The following PKNOX2 variants were observed in gnomAD, a reference collection of about 807,000 sequenced individuals.
The protein encoded by PKNOX2 is homeobox protein PKNOX2.
A neutral mutation model predicts 53.1 loss-of-function variants in PKNOX2; 14 were observed. The observed-to-expected ratio is 0.26, with a 90% CI of 0.17 to 0.41. The LOEUF (loss-of-function observed/expected upper bound fraction) is 0.41, where lower values mean the gene tolerates loss of function less well. Among genes scored for constraint, PKNOX2 ranks in the 10% least tolerant of loss-of-function variants. The pLI, the probability that PKNOX2 is intolerant of heterozygous loss-of-function variation, is 1.00. For synonymous variants in PKNOX2, 257 were observed against 242.8 expected, an observed-to-expected ratio of 1.06 and a Z score of -0.54; for missense variants, 496 against 602.8, an observed-to-expected ratio of 0.82 and a Z score of 1.85.
At chr11:125,186,078 A>G (rs1956432218) in intron 1 of PKNOX2, among the ~76,000 whole-genome samples, 1 of 151,064 alleles carries the variant, frequency 6.6e-6, no homozygotes. Context: ...CCATTATAGT[A>G]TCTCATTGTG....
At chr11:125,178,753 A>C (rs930244723) in intron 1 of PKNOX2, among the ~76,000 whole-genome samples, 2 of 150,226 alleles carry the variant, frequency 1.3e-5, no homozygotes, top group African/African-American at 5.0e-5. Context: ...AGAAAGAGAG[A>C]GGAAGAAACT....
chr11:125,350,884 C>T (rs1197638729), intron 3 of PKNOX2, among the ~76,000 whole-genome samples: 1 of 152,078 alleles, frequency 6.6e-6, no homozygotes, highest in Non-Finnish European at 1.5e-5. Flanking sequence ...CCAGGAGCAC[C>T]CTTATCAGGC....
At chr11:125,239,471 T>C (rs1942986496) in intron 2 of PKNOX2, 1 of 152,176 alleles carries the variant, frequency 6.6e-6, no homozygotes, top group African/African-American at 2.4e-5. Context: ...TTCAGTTGGC[T>C]GGAGGGGACT....
chr11:125,260,753 C>T (rs902618347), intron 2 of PKNOX2, among the ~76,000 whole-genome samples: 2 of 152,150 alleles, frequency 1.3e-5, no homozygotes, highest in East Asian at 1.9e-4. Flanking sequence ...TGCACACACA[C>T]GGCTGAGGAC....
intron 6 of PKNOX2, among the ~76,000 whole-genome samples, chr11:125,394,470 AC>A (rs796566793): frequency 7.9e-5 from 12 of 152,218 alleles, no homozygotes; most frequent in African/African-American, 2.4e-4. Context: ...TACTCCAAAA[AC>A]CCTTAATTAG....
chr11:125,409,890 C>T, intron 7 of PKNOX2: 1 of 243,650 alleles, frequency 4.1e-6, no homozygotes, highest in East Asian at 9.9e-5. Flanking sequence ...AGCATCATTA[C>T]TGGAGATTTC....
chr11:125,333,481 T>C (rs1950250507), intron 3 of PKNOX2, among the ~76,000 whole-genome samples: 1 of 151,866 alleles, frequency 6.6e-6, no homozygotes, highest in African/African-American at 2.4e-5. Context: ...CTTCCACAGA[T>C]GGGGTAGAGG....
At chr11:125,411,503 TCTCTCTC>T (rs1394895991) in intron 9 of PKNOX2, 8 of 440,672 alleles carry the variant, frequency 1.8e-5, no homozygotes, top group African/African-American at 2.3e-5. Flanking sequence ...TCTCTCTCTC[TCTCTCTC>T]CCCCCCTTCC....
intron 2 of PKNOX2, among the ~76,000 whole-genome samples, chr11:125,299,184 C>T (rs947548094): frequency 3.3e-5 from 5 of 152,118 alleles, no homozygotes; most frequent in African/African-American, 9.7e-5. Context: ...GAGTGAACTA[C>T]CAGAGCAAGA....
At chr11:125,320,085 G>C (rs1949434977) in intron 2 of PKNOX2, among the ~76,000 whole-genome samples, 1 of 152,216 alleles carries the variant, frequency 6.6e-6, no homozygotes, top group African/African-American at 2.4e-5. Context: ...AGAGTGTCAA[G>C]AATGTTAAAT....
At chr11:125,219,607 C>T (rs1278755808) in intron 1 of PKNOX2, among the ~76,000 whole-genome samples, 3 of 152,046 alleles carry the variant, frequency 2.0e-5, no homozygotes, top group African/African-American at 7.2e-5. Flanking sequence ...AGAATATGAA[C>T]AGACTATTCA....
At chr11:125,398,923 G>T (rs935178341) in intron 7 of PKNOX2, among the ~76,000 whole-genome samples, 2 of 152,228 alleles carry the variant, frequency 1.3e-5, no homozygotes, top group African/African-American at 2.4e-5. Flanking sequence ...GGGGATGCAG[G>T]TAAACTTTCT....
intron 2 of PKNOX2, among the ~76,000 whole-genome samples, chr11:125,310,385 C>T (rs1214053188): frequency 2.0e-5 from 3 of 151,928 alleles, no homozygotes; most frequent in Non-Finnish European, 2.9e-5. Flanking sequence ...ATCCCAGCTA[C>T]TCAGGAGTCT....
rs911117352 is a variant in PKNOX2, at chr11:125,166,718, C to A, written c.-201+1942C>A. On this transcript the variant is annotated intron_variant, in intron 1 of 12. Coordinates refer to ENST00000298282, the MANE Select transcript of PKNOX2 (RefSeq NM_001382323.2). The surrounding 1 kb of genome is among the most constrained non-coding windows in gnomAD (Gnocchi z 4.0). ...CAAACTCCAGTGCCCTGATTGGAGC[C>A]GCTTCCTGTGCTTACCCGCGCCGGA... Among the ~76,000 whole-genome samples the A allele has an allele frequency of 6.6e-6, 1 of 152,172 alleles. No individual in the cohort carries two copies. Among genetic ancestry groups the A allele is most frequent in the South Asian group, 2.1e-4 (1 of 4,828 alleles).
Position 125,352,482 on chromosome 11 carries a change from A to G in PKNOX2, c.87+1090A>G, listed in dbSNP as rs1951376604. On this transcript the variant is annotated intron_variant, in intron 4 of 12. Transcript: ENST00000298282. This position sits in a 1 kb window ranked among gnomAD's most constrained non-coding sequence, Gnocchi z 4.1. ...TCAAACACAGTGGTTCTCATGGGCCACACGGAAGATTTGTGCAGCATGAAA... is the reference window on the plus strand; with the variant it reads ...TCAAACACAGTGGTTCTCATGGGCCGCACGGAAGATTTGTGCAGCATGAAA... Among the ~76,000 whole-genome samples the G allele has an allele frequency of 2.0e-5, 3 of 152,194 alleles. No individual in the cohort carries two copies. The highest frequency in any genetic ancestry group is 1.3e-4 in the Admixed American group (2 of 15,280).
At chr11:125,313,722 A>G (rs1948973009) in intron 2 of PKNOX2, among the ~76,000 whole-genome samples, 1 of 152,230 alleles carries the variant, frequency 6.6e-6, no homozygotes. Flanking sequence ...GCTGGTAGCC[A>G]CAAGCCACGT....
intron 5 of PKNOX2, among the ~76,000 whole-genome samples, chr11:125,369,684 G>A (rs1452829240): frequency 6.6e-6 from 1 of 152,162 alleles, no homozygotes; most frequent in South Asian, 2.1e-4. Flanking sequence ...GGTAGGAGAG[G>A]ACCTTCCAGG....
chr11:125,430,195 C>T, intron 12 of PKNOX2, 54 bp downstream of exon 12: 1 of 1,576,106 alleles, frequency 6.3e-7, no homozygotes, highest in Non-Finnish European at 8.6e-7. Context: ...GCTCCTGGAG[C>T]TTCTTCAGGT....
chr11:125,433,385 C>G lies in PKNOX2; in HGVS notation c.*1993C>G, dbSNP rs1033667084. On this transcript the variant is annotated 3_prime_UTR_variant, in exon 13 of 13. Transcript: ENST00000298282. ...GTTTTCAGTAAATCTTATTACCTAC[C>G]GTAACCCTGGTGCACAATTCTCTTT... The G allele has an allele frequency of 6.5e-6, 1 of 152,690 alleles. No individual in the cohort carries two copies. Among genetic ancestry groups the G allele is most frequent in the African/African-American group, 2.4e-5 (1 of 41,458 alleles). 9.5% of individuals were successfully genotyped at this position (152,690 alleles called of 1,614,324 possible).
Sources: allele counts gnomAD v4.1 joint callset (sites outside exome capture counted in the v4.1 genomes callset), GRCh38; gene constraint gnomAD v4.1.1; non-coding constraint Gnocchi (gnomAD v3.1); transcripts MANE v1.5; gene names NCBI Gene and HGNC (gene_info 2026-07-23, HGNC 2026-07-21).